NUBPL: variants seen among roughly 807,000 people sequenced by gnomAD.
NUBPL encodes the protein NUBP iron-sulfur cluster assembly factor, mitochondrial, also known as iron-sulfur cluster transfer protein NUBPL.
NUBPL carries 31 observed loss-of-function variants against 45.7 expected under a neutral mutation model. The ratio of observed to expected loss-of-function variants is 0.68; its 90% CI spans 0.51 to 0.92. The LOEUF is 0.92. Among genes scored for constraint, NUBPL ranks in the 40% least tolerant of loss-of-function variants. The pLI is 0.00. For synonymous variants in NUBPL, 144 were observed against 140.9 expected (o/e 1.02, Z -0.15); for missense variants, 401 against 398.7 (o/e 1.01, Z -0.05).
intron 6 of NUBPL, among the ~76,000 whole-genome samples, chr14:31,706,234 C>T (rs763555976): frequency 7.9e-5 from 12 of 152,198 alleles, no homozygotes; most frequent in East Asian, 1.9e-4. Context: ...TGGATAGGGG[C>T]AAAGAAGGGG....
chr14:31,822,903 G>C (rs924518863), intron 7 of NUBPL, among the ~76,000 whole-genome samples: 4 of 151,894 alleles, frequency 2.6e-5, no homozygotes, highest in Non-Finnish European at 4.4e-5. Flanking sequence ...ACTGTGTTAG[G>C]GTTAATTAAG....
At chr14:31,625,318 T>A (rs2035176110) in intron 4 of NUBPL, among the ~76,000 whole-genome samples, 1 of 152,190 alleles carries the variant, frequency 6.6e-6, no homozygotes, top group African/African-American at 2.4e-5. Context: ...GTTGAAGACA[T>A]CTGAGCACAA....
chr14:31,655,904 A>C (rs1284636156), intron 4 of NUBPL, among the ~76,000 whole-genome samples: 2 of 152,332 alleles, frequency 1.3e-5, no homozygotes, highest in South Asian at 2.1e-4. Flanking sequence ...CTATTATTTG[A>C]AGCCAAGCAT....
chr14:31,696,312 A>G (rs555714223), intron 6 of NUBPL, among the ~76,000 whole-genome samples: 1 of 152,326 alleles, frequency 6.6e-6, no homozygotes, highest in East Asian at 1.9e-4. Flanking sequence ...GTTCTTGGCC[A>G]TGAATTCCTT....
chr14:31,604,134 T>C (rs1437645930), intron 4 of NUBPL, among the ~76,000 whole-genome samples: 1 of 141,428 alleles, frequency 7.1e-6, no homozygotes, highest in African/African-American at 2.7e-5. Flanking sequence ...TGCCAGTAAA[T>C]AGGCTTTCGG....
At chr14:31,571,841 G>C (rs757071574) in intron 3 of NUBPL, among the ~76,000 whole-genome samples, 4 of 152,170 alleles carry the variant, frequency 2.6e-5, no homozygotes, top group Non-Finnish European at 5.9e-5. Flanking sequence ...TTTATAATAG[G>C]AAATAACTAA....
intron 6 of NUBPL, among the ~76,000 whole-genome samples, chr14:31,692,035 A>AT (rs2037106152): frequency 6.6e-6 from 1 of 152,126 alleles, no homozygotes; most frequent in South Asian, 2.1e-4. Context: ...GGATATATAT[A>AT]TTTTTTTAAA....
At chr14:31,853,781 C>G (rs8020792) in intron 10 of NUBPL, among the ~76,000 whole-genome samples, 39,859 of 151,958 alleles carry the variant, frequency 0.26, 7,923 homozygotes, top group African/African-American at 0.56. Context: ...CCAAATGTGA[C>G]TAGTGTAAAG....
At chr14:31,648,464 G>A (rs1266394549) in intron 4 of NUBPL, among the ~76,000 whole-genome samples, 5 of 152,126 alleles carry the variant, frequency 3.3e-5, no homozygotes, top group Non-Finnish European at 7.4e-5. Flanking sequence ...TACTACCTAT[G>A]TTTATGATGT....
chr14:31,826,541 C>A (rs2138967449), intron 7 of NUBPL, 88 bp from the exon 8 acceptor site: 2 of 1,079,614 alleles, frequency 1.9e-6, no homozygotes, highest in East Asian at 4.9e-5. Flanking sequence ...ACGTAATAGA[C>A]TATTTGCGTA....
At chr14:31,639,386 G>A (rs1254472699) in intron 4 of NUBPL, among the ~76,000 whole-genome samples, 2 of 152,214 alleles carry the variant, frequency 1.3e-5, no homozygotes, top group Admixed American at 6.5e-5. Context: ...AGCGGTGGCT[G>A]CAGAACAGCG....
Position 31,666,744 on chromosome 14 carries a change from C to T in NUBPL, c.383-6611C>T, listed in dbSNP as rs190673820. Among the ~76,000 whole-genome samples, 284 of 152,194 alleles carry T rather than the reference C, an allele frequency of 1.9e-3. 1 individual carries two copies. Among genetic ancestry groups the T allele is most frequent in the Non-Finnish European group, 3.3e-3 (224 of 68,006 alleles). On this transcript the variant is annotated intron_variant, in intron 4 of 10. Transcript: ENST00000281081. ...CTTCAGGAGCTCTTGTACAGCAGGCCTGGTGGTGACAGAATCCCTCAGCTT... is the reference window on the plus strand; with the variant it reads ...CTTCAGGAGCTCTTGTACAGCAGGCTTGGTGGTGACAGAATCCCTCAGCTT...
At chr14:31,841,250 T>C (rs2040365111) in intron 8 of NUBPL, among the ~76,000 whole-genome samples, 7 of 152,224 alleles carry the variant, frequency 4.6e-5, no homozygotes, top group Admixed American at 4.6e-4. Flanking sequence ...TATCAGTTTA[T>C]GTAGATACTG....
intron 4 of NUBPL, among the ~76,000 whole-genome samples, chr14:31,627,765 CAA>C (rs34778685): frequency 7.3e-5 from 8 of 109,352 alleles, no homozygotes; most frequent in African/African-American, 3.9e-5. Flanking sequence ...GACTCTGTCT[CAA>C]AAAAAAAAAA....
intron 6 of NUBPL, among the ~76,000 whole-genome samples, chr14:31,759,920 G>A (rs1231320733): frequency 6.6e-6 from 1 of 151,106 alleles, no homozygotes; most frequent in Non-Finnish European, 1.5e-5. Context: ...GGAAGGCTAA[G>A]CTATGATGTT....
intron 10 of NUBPL, among the ~76,000 whole-genome samples, chr14:31,858,878 T>C (rs970670212): frequency 6.6e-6 from 1 of 152,200 alleles, no homozygotes; most frequent in South Asian, 2.1e-4. Flanking sequence ...AACAGTAATT[T>C]CTGGTACTAA....
At position 31,850,211 on chromosome 14, in the gene NUBPL, A is replaced by T. The variant is rs776778735; in HGVS notation, c.897+10A>T. The T allele has an allele frequency of 2.5e-6, 4 of 1,599,208 alleles. No homozygotes were observed. Among genetic ancestry groups the T allele is most frequent in the Non-Finnish European group, 3.4e-6 (4 of 1,166,618 alleles). On this transcript the variant is annotated intron_variant, in intron 10 of 10. Coordinates refer to ENST00000281081, the MANE Select transcript of NUBPL (RefSeq NM_025152.3). Reference sequence around the variant, plus strand: ...GCCTGAAAGTGATGAGGTAAGTTCCATTTTTGGATACATATTTTTATTTCT... The same window carrying T: ...GCCTGAAAGTGATGAGGTAAGTTCCTTTTTTGGATACATATTTTTATTTCT...
intron 7 of NUBPL, among the ~76,000 whole-genome samples, chr14:31,815,878 A>G (rs1209534595): frequency 6.6e-6 from 1 of 152,198 alleles, no homozygotes; most frequent in African/African-American, 2.4e-5. Flanking sequence ...CATGCCAGGG[A>G]TGAAGCCGAC....
intron 6 of NUBPL, among the ~76,000 whole-genome samples, chr14:31,763,172 A>G (rs1165287947): frequency 2.0e-5 from 3 of 152,182 alleles, no homozygotes; most frequent in Admixed American, 1.3e-4. Flanking sequence ...TAGAAAGAAT[A>G]TAGGCTTTGA....
Sources: allele counts gnomAD v4.1 joint callset (sites outside exome capture counted in the v4.1 genomes callset), GRCh38; gene constraint gnomAD v4.1.1; transcripts MANE v1.5; gene names NCBI Gene and HGNC (gene_info 2026-07-23, HGNC 2026-07-21).